Variants in PIK3R5 observed in about 807,000 individuals in gnomAD.
PIK3R5 encodes phosphoinositide 3-kinase regulatory subunit 5.
In PIK3R5, 32 loss-of-function variants were observed where a neutral mutation model predicts 94.9. The ratio of observed to expected loss-of-function variants is 0.34; its 90% confidence interval spans 0.25 to 0.45. The LOEUF is 0.45. Among genes scored for constraint, PIK3R5 ranks in the 20% least tolerant of loss-of-function variants. The pLI is 1.00. For synonymous variants in PIK3R5, 443 were observed against 479.4 expected (o/e 0.92, Z 0.99); for missense variants, 853 against 1,144.6 (o/e 0.75, Z 3.68).
chr17:8,905,699 C>A lies in PIK3R5; in HGVS notation c.243G>T (p.Leu81=). Residue 81 remains leucine, a synonymous_variant, in exon 4 of 19, where the codon CTG becomes CTT. Coordinates refer to ENST00000447110, the MANE Select transcript of PIK3R5 (RefSeq NM_001142633.3). ...GAACAGTGGAATAGAAGAGCAGGGCCAGCGGGGTGAGCAGGTCGTAGGTGC... is the reference window on the plus strand; with the variant it reads ...GAACAGTGGAATAGAAGAGCAGGGCAAGCGGGGTGAGCAGGTCGTAGGTGC... ...EKGTYDLLTP[L]ALLFYSTVLC... is the part of the protein sequence containing the mutation. The A allele has an allele frequency of 6.2e-7, 1 of 1,607,240 alleles. No individual in the cohort carries two copies. Among genetic ancestry groups the A allele is most frequent in the Non-Finnish European group, 8.5e-7 (1 of 1,176,974 alleles).
chr17:8,889,963 A>G lies in PIK3R5; in HGVS notation c.811+10T>C. 1.2e-6 allele frequency: 2 copies of G among 1,613,492 alleles called. No individual in the cohort carries two copies. The highest frequency in any genetic ancestry group is 1.7e-6 in the Non-Finnish European group (2 of 1,179,834). On this transcript the variant is annotated intron_variant, in intron 8 of 18. Transcript: ENST00000447110. The surrounding 1 kb of genome is among the most constrained non-coding windows in gnomAD (Gnocchi z 4.1). The stretch of plus-strand genomic sequence containing the variant: ...AATGTGGGAGAACCCCATTCTCCCA[A>G]GAGCCTCACCTAACACCCCAGGGAA...
intron 1 of PIK3R5, among the ~76,000 whole-genome samples, chr17:8,928,006 T>C (rs1255177676): frequency 6.6e-6 from 1 of 152,206 alleles, no homozygotes; most frequent in African/African-American, 2.4e-5. Context: ...ATGCAGATGT[T>C]GATGCCATGC....
At chr17:8,941,154 G>T (rs2040182568) in intron 1 of PIK3R5, among the ~76,000 whole-genome samples, 1 of 152,162 alleles carries the variant, frequency 6.6e-6, no homozygotes, top group Non-Finnish European at 1.5e-5. Flanking sequence ...AGACCACTTT[G>T]CTTCCTGTCT....
In PIK3R5 at chr17:8,888,050, AAT is replaced by A. The variant is rs1271531202; in HGVS notation, c.1616+119_1616+120del. 78 of 325,490 alleles carry A rather than the reference AAT, an allele frequency of 2.4e-4. No individual in the cohort carries two copies. The highest frequency in any genetic ancestry group is 1.7e-3 in the African/African-American group (70 of 42,230). 20.2% of individuals were successfully genotyped at this position (325,490 alleles called of 1,614,324 possible). On this transcript the variant is annotated intron_variant, in intron 10 of 18. Transcript: ENST00000447110. The surrounding 1 kb of genome is among the most constrained non-coding windows in gnomAD (Gnocchi z 7.8). ...ATAATAATAATAATAATAATAATAA[AAT>A]AAAAATAAATAAGGGAACTTTTGGT...
At chr17:8,905,827 C>CTT in intron 3 of PIK3R5, 90 bp from the exon 4 acceptor site, 1 of 645,462 alleles carries the variant, frequency 1.5e-6, no homozygotes, top group Non-Finnish European at 2.4e-6. Flanking sequence ...TCATTCTAGC[C>CTT]TTTCTTTTTT....
At chr17:8,943,609 T>A (rs1197634831) in intron 1 of PIK3R5, among the ~76,000 whole-genome samples, 1 of 152,032 alleles carries the variant, frequency 6.6e-6, no homozygotes, top group Non-Finnish European at 1.5e-5. Context: ...CCGTCTCTAC[T>A]AAAAAGTACA....
chr17:8,898,330 C>T (rs1329156928), intron 5 of PIK3R5, among the ~76,000 whole-genome samples: 2 of 152,174 alleles, frequency 1.3e-5, no homozygotes, highest in African/African-American at 4.8e-5. Context: ...GGTATGAAGC[C>T]ATATTAAGCA....
chr17:8,924,326 G>T (rs983048391), intron 1 of PIK3R5, among the ~76,000 whole-genome samples: 11 of 151,456 alleles, frequency 7.3e-5, no homozygotes, highest in Admixed American at 2.6e-4. Context: ...CAATCTGCTG[G>T]CTTCAGCCTC....
rs8066447 is a variant in PIK3R5 at position 8,930,738 on chromosome 17, G to A, written c.-13-19231C>T. Among the ~76,000 whole-genome samples, 712 of 152,250 alleles carry A rather than the reference G, an allele frequency of 4.7e-3. 11 individuals carry two copies. Among genetic ancestry groups the A allele is most frequent in the African/African-American group, 0.016 (650 of 41,536 alleles). On this transcript the variant is annotated intron_variant, in intron 1 of 18. Coordinates refer to ENST00000447110, the MANE Select transcript of PIK3R5 (RefSeq NM_001142633.3). Reference sequence around the variant, plus strand: ...CACACAACAACCTGGGTTAACTTCCGGAAAATTATGCTGAATAAAAACAAA... The same window carrying A: ...CACACAACAACCTGGGTTAACTTCCAGAAAATTATGCTGAATAAAAACAAA...
rs2089935169 is a variant in PIK3R5 at position 8,888,425 on chromosome 17, C to A, written c.1362G>T (p.Arg454Ser). 4 of 1,597,498 alleles carry A rather than the reference C, an allele frequency of 2.5e-6. No individual in the cohort carries two copies. Among genetic ancestry groups the A allele is most frequent in the Admixed American group, 3.5e-5 (2 of 56,990 alleles). ...GGGGGCTGCAGAGGCTCCCTGCCCGCCTCAGGGGCAGGGCCGTGTCCGAGC... is the reference window on the plus strand; with the variant it reads ...GGGGGCTGCAGAGGCTCCCTGCCCGACTCAGGGGCAGGGCCGTGTCCGAGC... ...EGSSDTALPL[R>S]RAGSLCSPLD... Residue 454 changes from arginine to serine, a missense_variant, in exon 10 of 19, where the codon AGG becomes AGT. This residue lies in a region of PIK3R5 where 319 missense variants were observed against 339.8 expected (regional missense o/e 0.94). Coordinates refer to ENST00000447110, the MANE Select transcript of PIK3R5 (RefSeq NM_001142633.3). This position sits in a 1 kb window ranked among gnomAD's most constrained non-coding sequence, Gnocchi z 7.8.
rs1567639701 is a variant in PIK3R5 at position 8,893,060 on chromosome 17, GTGTGTGTGTGTGTGTGTGTGTGTGTT to G, written c.482+500_482+525del. On this transcript the variant is annotated intron_variant, in intron 6 of 18. Coordinates refer to ENST00000447110, the MANE Select transcript of PIK3R5 (RefSeq NM_001142633.3). This position sits in a 1 kb window ranked among gnomAD's most constrained non-coding sequence, Gnocchi z 5.1. ...TTTCATTTCAGCTGTGTGTGTGTGT[GTGTGTGTGTGTGTGTGTGTGTGTGTT>G]TGTGTATCAGGCTGTCATATAAAAT... 1.5e-5 allele frequency among the ~76,000 whole-genome samples: 2 copies of G among 136,872 alleles called. No homozygotes were observed. Among genetic ancestry groups the G allele is most frequent in the African/African-American group, 6.5e-5 (2 of 30,996 alleles). 89.8% of individuals were successfully genotyped at this position (136,872 alleles called of 152,430 possible).
chr17:8,894,410 C>T (rs1310691886), intron 5 of PIK3R5, among the ~76,000 whole-genome samples: 1 of 152,128 alleles, frequency 6.6e-6, no homozygotes, highest in South Asian at 2.1e-4. Context: ...TTTCGAGTTT[C>T]CCCACCTGCA....
At chr17:8,951,482 G>T (rs904794747) in intron 1 of PIK3R5, among the ~76,000 whole-genome samples, 1 of 152,016 alleles carries the variant, frequency 6.6e-6, no homozygotes, top group African/African-American at 2.4e-5. Context: ...TACCTCATTT[G>T]GGTGGAATCA....
At chr17:8,901,442 A>G (rs893953364) in intron 5 of PIK3R5, among the ~76,000 whole-genome samples, 1 of 152,034 alleles carries the variant, frequency 6.6e-6, no homozygotes, top group African/African-American at 2.4e-5. Context: ...GGCGAGGCAC[A>G]GACAGGTCAG....
Position 8,925,567 on chromosome 17 carries a change from G to C in PIK3R5, c.-13-14060C>G, listed in dbSNP as rs537103638. Among the ~76,000 whole-genome samples the C allele has an allele frequency of 6.6e-6, 1 of 152,316 alleles. No individual in the cohort carries two copies. The highest frequency in any genetic ancestry group is 2.4e-5 in the African/African-American group (1 of 41,572). Reference sequence around the variant, plus strand: ...TAGTAGATGGATAGATAGATAGATAGAGAAAAAAGGAACACACATGCATAC... The same window carrying C: ...TAGTAGATGGATAGATAGATAGATACAGAAAAAAGGAACACACATGCATAC... On this transcript the variant is annotated intron_variant, in intron 1 of 18. Transcript: ENST00000447110. This position sits in a 1 kb window ranked among gnomAD's most constrained non-coding sequence, Gnocchi z 5.1.
chr17:8,888,422 C>G lies in PIK3R5; in HGVS notation c.1365G>C (p.Arg455=), dbSNP rs1448562999. 6.3e-7 allele frequency: 1 copy of G among 1,595,660 alleles called. No individual in the cohort carries two copies. The highest frequency in any genetic ancestry group is 8.5e-7 in the Non-Finnish European group (1 of 1,173,044). Residue 455 remains arginine (R), a synonymous_variant, in exon 10 of 19, where the codon CGG becomes CGC. Coordinates refer to ENST00000447110, the MANE Select transcript of PIK3R5 (RefSeq NM_001142633.3). The surrounding 1 kb of genome is among the most constrained non-coding windows in gnomAD (Gnocchi z 7.8). ...CCAGGGGGCTGCAGAGGCTCCCTGCCCGCCTCAGGGGCAGGGCCGTGTCCG... is the reference window on the plus strand; with the variant it reads ...CCAGGGGGCTGCAGAGGCTCCCTGCGCGCCTCAGGGGCAGGGCCGTGTCCG... ...GSSDTALPLR[R]AGSLCSPLDE...
intron 1 of PIK3R5, among the ~76,000 whole-genome samples, chr17:8,958,704 C>T (rs999415229): frequency 2.0e-5 from 3 of 151,706 alleles, no homozygotes; most frequent in Admixed American, 1.3e-4. Flanking sequence ...CTCTCTGATC[C>T]GTAGACTGTT....
chr17:8,963,910 G>A (rs1285391785), intron 1 of PIK3R5, among the ~76,000 whole-genome samples: 2 of 152,126 alleles, frequency 1.3e-5, no homozygotes, highest in Non-Finnish European at 2.9e-5. Context: ...CAAAAAGCAG[G>A]GGAGGGAGCC....
chr17:8,939,721 T>C (rs1019539002), intron 1 of PIK3R5, among the ~76,000 whole-genome samples: 1 of 152,226 alleles, frequency 6.6e-6, no homozygotes, highest in Non-Finnish European at 1.5e-5. Flanking sequence ...GTGTTCTCCA[T>C]CCAAGTTCAC....
Sources: allele counts gnomAD v4.1 joint callset (sites outside exome capture counted in the v4.1 genomes callset), GRCh38; gene constraint gnomAD v4.1.1; regional missense constraint gnomAD v4.1.1; non-coding constraint Gnocchi (gnomAD v3.1); transcripts MANE v1.5; gene names NCBI Gene and HGNC (gene_info 2026-07-23, HGNC 2026-07-21).